The following ADGRL3 variants were observed in gnomAD, a reference collection of about 807,000 sequenced individuals.
ADGRL3 encodes adhesion G protein-coupled receptor L3.
Under a neutral mutation model 153.5 loss-of-function variants are expected in ADGRL3, and 62 were observed. The ratio of observed to expected loss-of-function variants is 0.40; its 90% confidence interval spans 0.33 to 0.50. ADGRL3 has a LOEUF of 0.50. Ranked by LOEUF, ADGRL3 falls within the 20% of genes least tolerant of loss-of-function variation. The pLI is 0.47. For synonymous variants in ADGRL3, 710 were observed against 672.5 expected (o/e 1.06, Z -0.86); for missense variants, 1,641 against 1,859.4 (o/e 0.88, Z 2.16).
chr4:61,738,068 C>T (rs1377661390), intron 8 of ADGRL3, among the ~76,000 whole-genome samples: 2 of 151,906 alleles, frequency 1.3e-5, no homozygotes, highest in African/African-American at 4.8e-5. Context: ...AGTCTTTTAT[C>T]CCTCATCCCC....
chr4:61,859,056 A>G (rs1449857595), intron 9 of ADGRL3, among the ~76,000 whole-genome samples: 1 of 152,194 alleles, frequency 6.6e-6, no homozygotes, highest in African/African-American at 2.4e-5. Context: ...TGTTTAATAC[A>G]TACATTAACT....
At chr4:61,488,023 T>C (rs1425037385) in intron 2 of ADGRL3, among the ~76,000 whole-genome samples, 2 of 152,044 alleles carry the variant, frequency 1.3e-5, no homozygotes, top group Non-Finnish European at 2.9e-5. Context: ...TTGTGGGATC[T>C]CAGAAAAGAT....
intron 25 of ADGRL3, among the ~76,000 whole-genome samples, chr4:62,057,315 T>C (rs1372447639): frequency 6.6e-6 from 1 of 152,182 alleles, no homozygotes; most frequent in Non-Finnish European, 1.5e-5. Context: ...ACACCTATTC[T>C]ATTTTCATAA....
intron 5 of ADGRL3, among the ~76,000 whole-genome samples, chr4:61,667,268 T>C (rs1467238934): frequency 6.6e-6 from 1 of 152,134 alleles, no homozygotes; most frequent in African/African-American, 2.4e-5. Context: ...TTCAGAATAT[T>C]ATTAAGTCAA....
chr4:61,203,619 T>G (rs529509167), intron 1 of ADGRL3, among the ~76,000 whole-genome samples: 1 of 152,348 alleles, frequency 6.6e-6, no homozygotes, highest in African/African-American at 2.4e-5. Flanking sequence ...AGTTAAAGAA[T>G]GTCATCGTAG....
At chr4:61,278,886 G>T (rs913854593) in intron 1 of ADGRL3, among the ~76,000 whole-genome samples, 10 of 152,124 alleles carry the variant, frequency 6.6e-5, no homozygotes, top group African/African-American at 2.4e-4. Flanking sequence ...GGAACAGATA[G>T]GAGCAAGTAC....
At chr4:61,895,206 G>A (rs1377460081) in intron 10 of ADGRL3, among the ~76,000 whole-genome samples, 4 of 152,102 alleles carry the variant, frequency 2.6e-5, no homozygotes, top group Non-Finnish European at 5.9e-5. Flanking sequence ...GGTGGCTCAC[G>A]CCTGTAATCC....
chr4:61,444,613 C>T (rs912700598), intron 2 of ADGRL3, among the ~76,000 whole-genome samples: 1 of 152,106 alleles, frequency 6.6e-6, no homozygotes, highest in Non-Finnish European at 1.5e-5. Flanking sequence ...TTCACCCTCT[C>T]CCATGCATAT....
intron 9 of ADGRL3, among the ~76,000 whole-genome samples, chr4:61,846,394 A>G (rs1228000988): frequency 6.6e-6 from 1 of 152,118 alleles, no homozygotes; most frequent in Non-Finnish European, 1.5e-5. Flanking sequence ...AAGAAAGTGA[A>G]TAAAATAAAA....
At chr4:61,237,486 A>G (rs1417695642) in intron 1 of ADGRL3, among the ~76,000 whole-genome samples, 2 of 152,148 alleles carry the variant, frequency 1.3e-5, no homozygotes, top group Admixed American at 6.6e-5. Flanking sequence ...CAAAATCTAA[A>G]TCTTTTGTCC....
intron 19 of ADGRL3, among the ~76,000 whole-genome samples, chr4:61,992,701 T>C (rs1475401898): frequency 6.6e-6 from 1 of 152,198 alleles, no homozygotes; most frequent in Non-Finnish European, 1.5e-5. Flanking sequence ...AAATCCATTT[T>C]ACCAAATAGA....
intron 2 of ADGRL3, among the ~76,000 whole-genome samples, chr4:61,472,556 C>T (rs1213926215): frequency 6.6e-6 from 1 of 151,986 alleles, no homozygotes; most frequent in Non-Finnish European, 1.5e-5. Context: ...TTTTTGTTAT[C>T]TAATCTTGGA....
chr4:61,470,035 G>C (rs1447696037), intron 2 of ADGRL3, among the ~76,000 whole-genome samples: 1 of 151,780 alleles, frequency 6.6e-6, no homozygotes, highest in Non-Finnish European at 1.5e-5. Context: ...CACTGAATAA[G>C]GTGGGCTAAT....
At chr4:61,734,390 A>G (rs1213960536) in intron 8 of ADGRL3, among the ~76,000 whole-genome samples, 4 of 152,204 alleles carry the variant, frequency 2.6e-5, no homozygotes, top group South Asian at 2.1e-4. Flanking sequence ...AAGAGGTTTA[A>G]TTGACTCACA....
intron 24 of ADGRL3, among the ~76,000 whole-genome samples, chr4:62,042,703 A>G (rs1729029320): frequency 6.6e-6 from 1 of 152,088 alleles, no homozygotes; most frequent in Admixed American, 6.6e-5. Context: ...CTCCCTAGAC[A>G]AGGACATATC....
intron 1 of ADGRL3, among the ~76,000 whole-genome samples, chr4:61,276,553 C>G (rs990678901): frequency 1.3e-5 from 2 of 152,094 alleles, no homozygotes; most frequent in Non-Finnish European, 2.9e-5. Context: ...GGGATTTCCG[C>G]AGATGTGTTT....
chr4:61,693,704 C>T (rs968308976), intron 6 of ADGRL3, among the ~76,000 whole-genome samples: 1 of 152,120 alleles, frequency 6.6e-6, no homozygotes, highest in Non-Finnish European at 1.5e-5. Flanking sequence ...TTCAACATTG[C>T]CTTCTTGCAG....
chr4:61,316,710 C>T (rs528281370), intron 1 of ADGRL3, among the ~76,000 whole-genome samples: 1 of 152,164 alleles, frequency 6.6e-6, no homozygotes, highest in Non-Finnish European at 1.5e-5. Flanking sequence ...TTGTAGCTGT[C>T]AACTGTAAAA....
chr4:61,381,116 A>T (rs2096661950), intron 1 of ADGRL3, among the ~76,000 whole-genome samples: 1 of 151,956 alleles, frequency 6.6e-6, no homozygotes, highest in Admixed American at 6.6e-5. Context: ...TGAGAAAGGC[A>T]TTGAGATGTT....
Sources: allele counts gnomAD v4.1 joint callset (sites outside exome capture counted in the v4.1 genomes callset), GRCh38; gene constraint gnomAD v4.1.1; transcripts MANE v1.5; gene names NCBI Gene and HGNC (gene_info 2026-07-23, HGNC 2026-07-21).